The following JADE1 variants were observed in gnomAD, a reference collection of about 807,000 sequenced individuals.
JADE1 encodes the protein jade family PHD finger 1, also known as protein Jade-1.
In JADE1, 14 loss-of-function variants were observed where a neutral mutation model predicts 81.8. The ratio of observed to expected loss-of-function variants is 0.17; its 90% CI spans 0.11 to 0.27. The LOEUF is 0.27. Ranked by LOEUF, JADE1 falls within the 10% of genes least tolerant of loss-of-function variation. The pLI is 1.00. For missense variants in JADE1, 690 were observed against 1,047.9 expected, an observed-to-expected ratio of 0.66 and a Z score of 4.71; for synonymous variants, 353 against 391.9, an observed-to-expected ratio of 0.90 and a Z score of 1.17.
intron 7 of JADE1, among the ~76,000 whole-genome samples, chr4:128,856,809 T>C (rs1027215411): frequency 4.6e-5 from 7 of 152,222 alleles, no homozygotes; most frequent in African/African-American, 1.7e-4. Flanking sequence ...TGGTTTGGTA[T>C]TGATGGGATA....
In JADE1 at chr4:128,863,643, T is replaced by C. The variant is rs1372267374; in HGVS notation, c.1503+1418T>C. The C allele has an allele frequency of 1.1e-5, 11 of 985,302 alleles. No individual in the cohort carries two copies. The South Asian group carries it at 4.2e-4, about 38-fold the overall frequency. The allele number at this position is 985,302 out of a possible 1,614,324, so 61.0% of individuals were successfully genotyped here. A position where few individuals can be genotyped will look rare whatever the true frequency, so the allele number is the denominator to read the frequency against. ...GAGGCAGGATCCTGGAGCAGTTTTGTGAGGCTTTTGTGCTCCCATACGCCC... is the reference window on the plus strand; with the variant it reads ...GAGGCAGGATCCTGGAGCAGTTTTGCGAGGCTTTTGTGCTCCCATACGCCC... On this transcript the variant is annotated intron_variant, in intron 9 of 10. Transcript: ENST00000226319.
chr4:128,831,860 TA>T, intron 2 of JADE1, 50 bp downstream of exon 2: 1 of 1,517,566 alleles, frequency 6.6e-7, no homozygotes, highest in Non-Finnish European at 9.2e-7. Flanking sequence ...TGGGTCGGGG[TA>T]AAAACATGAT....
At chr4:128,832,586 T>C (rs1445257525) in intron 2 of JADE1, among the ~76,000 whole-genome samples, 1 of 152,220 alleles carries the variant, frequency 6.6e-6, no homozygotes, top group African/African-American at 2.4e-5. Flanking sequence ...CAAGGAACTC[T>C]GCTTTAGACA....
At chr4:128,835,406 CT>C (rs1728900173) in intron 2 of JADE1, among the ~76,000 whole-genome samples, 1 of 152,172 alleles carries the variant, frequency 6.6e-6, no homozygotes, top group Non-Finnish European at 1.5e-5. Context: ...GAACACACCC[CT>C]TTCCATCCCC....
At chr4:128,847,064 A>G (rs943658894) in intron 4 of JADE1, among the ~76,000 whole-genome samples, 2 of 152,118 alleles carry the variant, frequency 1.3e-5, no homozygotes, top group Non-Finnish European at 2.9e-5. Flanking sequence ...GACTGGTCAC[A>G]TTATTCTTGG....
chr4:128,852,058 A>C lies in JADE1; in HGVS notation c.486A>C (p.Gly162=). 1 of 1,608,020 alleles carries C rather than the reference A, an allele frequency of 6.2e-7. No homozygotes were observed. The highest frequency in any genetic ancestry group is 8.5e-7 in the Non-Finnish European group (1 of 1,174,642). ...GTTTTGTGGCATTTTTAACTTCAGG[A>C]ATGCCTGAACTAGATGAATACACCA... ...ELTNEEFKEM[G]MPELDEYTME... is the part of the protein sequence containing the mutation. Residue 162 remains glycine, a splice_region_variant and synonymous_variant, in exon 6 of 11, where the codon GGA becomes GGC. Coordinates refer to ENST00000226319, the MANE Select transcript of JADE1 (RefSeq NM_199320.4).
chr4:128,826,363 T>C (rs918900434), intron 1 of JADE1, among the ~76,000 whole-genome samples: 7 of 100,464 alleles, frequency 7.0e-5, no homozygotes, highest in African/African-American at 2.5e-4. Flanking sequence ...TTCTCTGTTA[T>C]GTCTTTTTTT....
chr4:128,870,174 G>T (rs57547066), intron 10 of JADE1, among the ~76,000 whole-genome samples: 3,409 of 152,228 alleles, frequency 0.022, 109 homozygotes, highest in African/African-American at 0.074. Context: ...AGAAATATAT[G>T]CAGTGTGATG....
intron 8 of JADE1, among the ~76,000 whole-genome samples, chr4:128,860,076 A>G (rs73850017): frequency 0.024 from 3,592 of 152,214 alleles, 143 homozygotes; most frequent in African/African-American, 0.081. Flanking sequence ...GCTTGGGTTA[A>G]GTGTAGTTTA....
In JADE1 at chr4:128,872,339, G is replaced by A; in HGVS notation, c.*77G>A. 13 of 1,242,602 alleles carry A rather than the reference G, an allele frequency of 1.0e-5. No individual in the cohort carries two copies. In the South Asian group the frequency reaches 1.8e-4, roughly 18 times the overall value. The allele number at this position is 1,242,602 out of a possible 1,614,324, so 77.0% of individuals were successfully genotyped here. A position where few individuals can be genotyped will look rare whatever the true frequency, so the allele number is the denominator to read the frequency against. ...AGGAGAGCTCTGATGTGGGGGAGAAGCAGAAACCCATTAATCCTGAGCTAC... is the reference window on the plus strand; with the variant it reads ...AGGAGAGCTCTGATGTGGGGGAGAAACAGAAACCCATTAATCCTGAGCTAC... On this transcript the variant is annotated 3_prime_UTR_variant, in exon 11 of 11. Transcript: ENST00000226319.
At chr4:128,850,105 C>A (rs1044625321) in intron 5 of JADE1, among the ~76,000 whole-genome samples, 7 of 152,028 alleles carry the variant, frequency 4.6e-5, no homozygotes, top group Non-Finnish European at 1.0e-4. Flanking sequence ...ACCAGCCTGG[C>A]AAACATGGTG....
At chr4:128,814,606 G>T (rs1430975622) in intron 1 of JADE1, among the ~76,000 whole-genome samples, 2 of 134,262 alleles carry the variant, frequency 1.5e-5, no homozygotes, top group Non-Finnish European at 3.1e-5. Context: ...TGCTCATGTT[G>T]CCCAGGCTGG....
At chr4:128,864,850 A>C (rs1259774960) in intron 9 of JADE1, 3 of 154,406 alleles carry the variant, frequency 1.9e-5, no homozygotes, top group Non-Finnish European at 4.3e-5. Context: ...ATACCTGGGT[A>C]CCAGTTCTGG....
rs1729859004 is a variant in JADE1 at position 128,846,155 on chromosome 4, G to T, written c.139-220G>T. 6.6e-6 allele frequency among the ~76,000 whole-genome samples: 1 copy of T among 152,106 alleles called. No individual in the cohort carries two copies. Among genetic ancestry groups the T allele is most frequent in the Admixed American group, 6.5e-5 (1 of 15,274 alleles). On this transcript the variant is annotated intron_variant, in intron 3 of 10. Coordinates refer to ENST00000226319, the MANE Select transcript of JADE1 (RefSeq NM_199320.4). The surrounding 1 kb of genome is among the most constrained non-coding windows in gnomAD (Gnocchi z 4.0). The stretch of plus-strand genomic sequence containing the variant: ...GACGTTGTTGTGGACACTATGGACT[G>T]AGGGAGTGAGAGGGCAGTGTTCCCT...
intron 1 of JADE1, among the ~76,000 whole-genome samples, chr4:128,817,538 T>C (rs920613894): frequency 6.6e-6 from 1 of 152,220 alleles, no homozygotes; most frequent in African/African-American, 2.4e-5. Context: ...GAACAAGAAA[T>C]AGCAATGTTA....
intron 8 of JADE1, among the ~76,000 whole-genome samples, chr4:128,861,482 T>G (rs149392068): frequency 2.1e-3 from 320 of 152,282 alleles, no homozygotes; most frequent in African/African-American, 7.4e-3. Flanking sequence ...TTAGGCAACA[T>G]AGGGAGACCT....
chr4:128,829,827 G>T (rs1004563785), intron 1 of JADE1, among the ~76,000 whole-genome samples: 2 of 152,044 alleles, frequency 1.3e-5, no homozygotes, highest in Non-Finnish European at 2.9e-5. Context: ...TTTTAGAGTG[G>T]AGCTTTGGTT....
intron 2 of JADE1, among the ~76,000 whole-genome samples, chr4:128,836,295 C>T (rs1334459793): frequency 6.6e-6 from 1 of 152,030 alleles, no homozygotes; most frequent in African/African-American, 2.4e-5. Flanking sequence ...TTACTAATAA[C>T]ATAAATCAAC....
chr4:128,836,742 T>C (rs987576142), intron 2 of JADE1, among the ~76,000 whole-genome samples: 2 of 151,292 alleles, frequency 1.3e-5, no homozygotes, highest in African/African-American at 4.8e-5. Context: ...GCACTGTTTT[T>C]TTTTTTTTTT....
Sources: gnomAD v4.1 joint callset for allele counts (sites outside exome capture counted in the v4.1 genomes callset) on GRCh38, gnomAD v4.1.1 for gene constraint, Gnocchi (gnomAD v3.1) non-coding constraint, MANE v1.5 for transcripts, NCBI Gene and HGNC (gene_info 2026-07-23, HGNC 2026-07-21) for gene names.